The following TNFAIP3 variants were observed in gnomAD, a reference collection of about 807,000 sequenced individuals.
The protein encoded by TNFAIP3 is tumor necrosis factor alpha-induced protein 3.
In TNFAIP3, 9 loss-of-function variants were observed where a neutral mutation model predicts 72.4. The observed-to-expected ratio is 0.12, with a 90% CI of 0.07 to 0.22. The LOEUF (loss-of-function observed/expected upper bound fraction) is 0.22, where lower values mean the gene tolerates loss of function less well. Ranked by LOEUF, TNFAIP3 falls within the 10% of genes least tolerant of loss-of-function variation. The pLI, the probability that TNFAIP3 is intolerant of heterozygous loss-of-function variation, is 1.00. For synonymous variants in TNFAIP3, 339 were observed against 372.6 expected, an observed-to-expected ratio of 0.91 and a Z score of 1.04; for missense variants, 833 against 1,018.7, an observed-to-expected ratio of 0.82 and a Z score of 2.48.
At chr6:137,877,727 A>G (rs369514716) in intron 6 of TNFAIP3, among the ~76,000 whole-genome samples, 10 of 152,226 alleles carry the variant, frequency 6.6e-5, no homozygotes, top group African/African-American at 2.4e-4. Flanking sequence ...CCACATGGAA[A>G]TGGGAGGAAA....
chr6:137,882,669 A>G lies in TNFAIP3; in HGVS notation c.*1350A>G, dbSNP rs1020706773. On this transcript the variant is annotated 3_prime_UTR_variant, in exon 9 of 9. Coordinates refer to ENST00000612899, the MANE Select transcript of TNFAIP3 (RefSeq NM_001270508.2). ...ATGAGACTGGCAATGGTCACAGGGA[A>G]AGATGTGGCCTTTTGTGATGGTTTT... 2.1e-5 allele frequency: 5 copies of G among 232,846 alleles called. No individual in the cohort carries two copies. Among genetic ancestry groups the G allele is most frequent in the Non-Finnish European group, 3.4e-5 (4 of 117,788 alleles). 14.4% of individuals were successfully genotyped at this position (232,846 alleles called of 1,614,324 possible). A position where few individuals can be genotyped will look rare whatever the true frequency, so the allele number is the denominator to read the frequency against.
intron 6 of TNFAIP3, 105 bp from the exon 7 acceptor site, chr6:137,878,327 T>G (rs1305942441): frequency 2.4e-5 from 24 of 1,012,470 alleles, no homozygotes; most frequent in South Asian, 1.7e-4. Context: ...TCTACAATTC[T>G]TGCCATAATC....
In TNFAIP3 at chr6:137,875,602, A is replaced by G; in HGVS notation, c.487-86A>G. ...AAAATAAGCTGAGTTATATAAATGA[A>G]TAATTGTAGAGTGATGTCAGAATGA... On this transcript the variant is annotated intron_variant, in intron 3 of 8. Transcript: ENST00000612899. The G allele has an allele frequency of 2.1e-6, 3 of 1,442,816 alleles. No homozygotes were observed. The African/African-American group carries it at 4.3e-5, about 21-fold the overall frequency. 89.4% of individuals were successfully genotyped at this position (1,442,816 alleles called of 1,614,324 possible).
At chr6:137,880,338 C>A in intron 8 of TNFAIP3, 86 bp downstream of exon 8, 1 of 1,401,150 alleles carries the variant, frequency 7.1e-7, no homozygotes, top group Non-Finnish European at 9.9e-7. Flanking sequence ...GACAAGCAGG[C>A]TTTCCTCTCT....
In TNFAIP3 at chr6:137,875,017, G is replaced by A. The variant is rs2114478975; in HGVS notation, c.468G>A (p.Gly156=). ...SLKSQEFVET[G]LCYDTRNWND... is the part of the protein sequence containing the mutation. ...AATCTCAGGAATTTGTTGAAACGGG[G>A]CTTTGCTATGATACTCGGGTAGGTT... Residue 156 remains glycine (G), a synonymous_variant, in exon 3 of 9, where the codon GGG becomes GGA. Transcript: ENST00000612899. 2 of 1,614,166 alleles carry A rather than the reference G, an allele frequency of 1.2e-6. No homozygotes were observed. Among genetic ancestry groups the A allele is most frequent in the Non-Finnish European group, 1.7e-6 (2 of 1,180,034 alleles).
In TNFAIP3 at chr6:137,871,347, T is replaced by C. The variant is rs1257454023; in HGVS notation, c.120T>C (p.Phe40=). ...FKPTNGIIHH[F]KTMHRYTLEM... ...CTACTAATGGGATCATTCATCATTT[T>C]AAAACCATGCACCGATACACACTGG... The change falls in exon 2 of 9, where the codon TTT becomes TTC. Residue 40 remains phenylalanine (F), a synonymous_variant. Transcript: ENST00000612899. The surrounding 1 kb of genome is among the most constrained non-coding windows in gnomAD (Gnocchi z 4.2). The C allele has an allele frequency of 2.5e-6, 4 of 1,614,080 alleles. No homozygotes were observed. Among genetic ancestry groups the C allele is most frequent in the Non-Finnish European group, 3.4e-6 (4 of 1,180,040 alleles).
chr6:137,876,534 C>T (rs1776254925), intron 5 of TNFAIP3, among the ~76,000 whole-genome samples: 1 of 152,200 alleles, frequency 6.6e-6, no homozygotes, highest in Admixed American at 6.5e-5. Flanking sequence ...CAGCCTCCAC[C>T]CCCTGGGCTC....
intron 2 of TNFAIP3, among the ~76,000 whole-genome samples, chr6:137,873,228 T>TA (rs1036341624): frequency 2.6e-5 from 4 of 151,758 alleles, no homozygotes; most frequent in African/African-American, 4.8e-5. Flanking sequence ...TAGCACCTTT[T>TA]AAAAAAAAAT....
chr6:137,875,209 T>C (rs143930450), intron 3 of TNFAIP3, among the ~76,000 whole-genome samples, 174 bp downstream of exon 3: 257 of 152,326 alleles, frequency 1.7e-3, no homozygotes, highest in Non-Finnish European at 3.1e-3. Context: ...CACCCAAGGC[T>C]TTTGCCCTGC....
At chr6:137,869,337 A>AGATAGATG (rs1775961054) in intron 1 of TNFAIP3, among the ~76,000 whole-genome samples, 1 of 145,032 alleles carries the variant, frequency 6.9e-6, no homozygotes, top group South Asian at 2.2e-4. Flanking sequence ...ATGGATGGAT[A>AGATAGATG]GATGGATGGA....
At chr6:137,879,843 G>GTGAGAT (rs1322401429) in intron 7 of TNFAIP3, among the ~76,000 whole-genome samples, 1 of 152,226 alleles carries the variant, frequency 6.6e-6, no homozygotes, top group Non-Finnish European at 1.5e-5. Flanking sequence ...TGAGCAATCA[G>GTGAGAT]TGCTTCAAGT....
chr6:137,881,287 G>A lies in TNFAIP3; in HGVS notation c.2341G>A (p.Glu781Lys), dbSNP rs2114518393. 2 of 1,565,706 alleles carry A rather than the reference G, an allele frequency of 1.3e-6. No individual in the cohort carries two copies. Among genetic ancestry groups the A allele is most frequent in the South Asian group, 2.4e-5 (2 of 84,632 alleles). ...TGCCAAGTGCAACGGCTACTGCAAC[G>A]AATGCTTTCAGTTCAAGCAGATGTA... ...GNAKCNGYCN[E>K]CFQFKQMYG Residue 781 changes from glutamate (E) to lysine (K), a missense_variant, in exon 9 of 9, where the codon GAA becomes AAA. This residue lies in a region of TNFAIP3 where 587 missense variants were observed against 657.8 expected (regional missense o/e 0.89). Transcript: ENST00000612899. This position sits in a 1 kb window ranked among gnomAD's most constrained non-coding sequence, Gnocchi z 5.0.
intron 1 of TNFAIP3, among the ~76,000 whole-genome samples, chr6:137,868,747 C>T (rs583522): frequency 0.71 from 107,499 of 151,600 alleles, 38,355 homozygotes; most frequent in East Asian, 0.91. Context: ...CCACTTATAA[C>T]GTATCTGAAA....
intron 3 of TNFAIP3, among the ~76,000 whole-genome samples, chr6:137,875,357 C>A (rs1183614497): frequency 6.6e-6 from 1 of 152,190 alleles, no homozygotes; most frequent in Non-Finnish European, 1.5e-5. Flanking sequence ...AAGATTAAGA[C>A]ACGTGCCTCA....
At chr6:137,872,530 C>T (rs1776095485) in intron 2 of TNFAIP3, among the ~76,000 whole-genome samples, 1 of 152,124 alleles carries the variant, frequency 6.6e-6, no homozygotes, top group Admixed American at 6.5e-5. Context: ...CATTCAAAAG[C>T]CAAGTACATT....
intron 2 of TNFAIP3, among the ~76,000 whole-genome samples, chr6:137,872,083 TAGAC>T (rs1411505035): frequency 6.6e-6 from 1 of 152,210 alleles, no homozygotes; most frequent in Non-Finnish European, 1.5e-5. Context: ...CAAGGTGAAA[TAGAC>T]AGATAGCTGA....
chr6:137,869,184 T>A (rs549846526), intron 1 of TNFAIP3, among the ~76,000 whole-genome samples: 2 of 152,292 alleles, frequency 1.3e-5, no homozygotes, highest in Admixed American at 1.3e-4. Flanking sequence ...TACCTGTAAC[T>A]CCATTGCCTT....
intron 2 of TNFAIP3, 118 bp from the exon 3 acceptor site, chr6:137,874,727 A>T (rs1436032387): frequency 2.2e-5 from 21 of 966,518 alleles, no homozygotes; most frequent in Non-Finnish European, 3.0e-5. Flanking sequence ...AATTACATCA[A>T]ATTAAACCAT....
rs1461043420 is a variant in TNFAIP3, at chr6:137,881,427, G to A, written c.*108G>A. ...CTGCCACTGCAACAGTGGGCTTAAG[G>A]GTGTCTGAGCAGGAGAGGAAAGATA... On this transcript the variant is annotated 3_prime_UTR_variant, in exon 9 of 9. Coordinates refer to ENST00000612899, the MANE Select transcript of TNFAIP3 (RefSeq NM_001270508.2). This position sits in a 1 kb window ranked among gnomAD's most constrained non-coding sequence, Gnocchi z 5.0. 1.4e-5 allele frequency: 15 copies of A among 1,036,824 alleles called. No homozygotes were observed. In the East Asian group the frequency reaches 3.5e-4, roughly 25 times the overall value. 64.2% of individuals were successfully genotyped at this position (1,036,824 alleles called of 1,614,324 possible).
Sources: gnomAD v4.1 joint callset for allele counts (sites outside exome capture counted in the v4.1 genomes callset) on GRCh38, gnomAD v4.1.1 for gene constraint, gnomAD v4.1.1 regional missense constraint, Gnocchi (gnomAD v3.1) non-coding constraint, MANE v1.5 for transcripts, NCBI Gene and HGNC (gene_info 2026-07-23, HGNC 2026-07-21) for gene names.